The following PPP2R2C variants were observed in gnomAD, a reference collection of about 807,000 sequenced individuals.
PPP2R2C encodes the protein protein phosphatase 2 regulatory subunit Bgamma, also known as protein phosphatase 2, regulatory subunit B, gamma.
In PPP2R2C, 10 loss-of-function variants were observed where a neutral mutation model predicts 45.3. The ratio of observed to expected loss-of-function variants is 0.22; its 90% confidence interval spans 0.14 to 0.37. The LOEUF (loss-of-function observed/expected upper bound fraction) is 0.37, where lower values mean the gene tolerates loss of function less well. Among genes scored for constraint, PPP2R2C ranks in the 10% least tolerant of loss-of-function variants. The probability of loss-of-function intolerance (pLI) is 1.00; values close to 1 mark genes in which losing one functional copy is unlikely to be tolerated. For missense variants in PPP2R2C, 308 were observed against 619.7 expected, an observed-to-expected ratio of 0.50 and a Z score of 5.34; for synonymous variants, 257 against 245.4, an observed-to-expected ratio of 1.05 and a Z score of -0.44.
chr4:6,338,823 C>T (rs1018630736), intron 6 of PPP2R2C, among the ~76,000 whole-genome samples: 5 of 152,138 alleles, frequency 3.3e-5, no homozygotes, highest in Non-Finnish European at 7.3e-5. Flanking sequence ...GCCCCTGCCC[C>T]GCCATGTGCT....
At chr4:6,466,065 C>G (rs73207850) in intron 1 of PPP2R2C, among the ~76,000 whole-genome samples, 13,651 of 152,300 alleles carry the variant, frequency 0.09, 817 homozygotes, top group Non-Finnish European at 0.13. Context: ...GAAGTCACTG[C>G]ATGAGAACAT....
At chr4:6,466,650 C>A (rs574916088) in intron 1 of PPP2R2C, among the ~76,000 whole-genome samples, 3 of 152,138 alleles carry the variant, frequency 2.0e-5, no homozygotes, top group Non-Finnish European at 4.4e-5. Flanking sequence ...CTCCATGGAG[C>A]CTAGCGCTTC....
In PPP2R2C at chr4:6,413,170, C is replaced by T. The variant is rs1208425405; in HGVS notation, c.71-32076G>A. Among the ~76,000 whole-genome samples the T allele has an allele frequency of 6.6e-5, 10 of 152,206 alleles. No individual in the cohort carries two copies. The South Asian group carries it at 1.7e-3, about 25-fold the overall frequency. ...GAACATGTACAGTCATGAAATCACACGCTCTCACACTCACATTCACACACA... is the reference window on the plus strand; with the variant it reads ...GAACATGTACAGTCATGAAATCACATGCTCTCACACTCACATTCACACACA... On this transcript the variant is annotated intron_variant, in intron 1 of 8. Coordinates refer to ENST00000382599, the MANE Select transcript of PPP2R2C (RefSeq NM_020416.4).
At chr4:6,559,395 GCACACACACACACACA>G (rs58400617) in intron 1 of PPP2R2C, among the ~76,000 whole-genome samples, 20 of 144,766 alleles carry the variant, frequency 1.4e-4, no homozygotes, top group Admixed American at 4.8e-4. Flanking sequence ...AAAATACACA[GCACACACACACACACA>G]CACACACACA....
At chr4:6,556,952 C>G (rs1725422423) in intron 1 of PPP2R2C, among the ~76,000 whole-genome samples, 1 of 152,156 alleles carries the variant, frequency 6.6e-6, no homozygotes, top group African/African-American at 2.4e-5. Context: ...TGGGCAAAAC[C>G]CACCCAAAGA....
chr4:6,420,706 C>CA (rs969666341), intron 1 of PPP2R2C, among the ~76,000 whole-genome samples: 1 of 152,118 alleles, frequency 6.6e-6, no homozygotes, highest in African/African-American at 2.4e-5. Flanking sequence ...TCTCACAGAG[C>CA]AAAAATGGAA....
chr4:6,405,636 G>A lies in PPP2R2C; in HGVS notation c.71-24542C>T, dbSNP rs149322352. ...GGTTCCTGGGGAGTGATTAGATGGA[G>A]GGAGGGGCTGGGCCTGCTCCCAGGC... On this transcript the variant is annotated intron_variant, in intron 1 of 8. Transcript: ENST00000382599. Among the ~76,000 whole-genome samples the A allele has an allele frequency of 3.3e-5, 5 of 152,314 alleles. No homozygotes were observed. In the East Asian group the frequency reaches 9.6e-4, roughly 29 times the overall value.
At chr4:6,483,167 T>C (rs1722422672) in intron 2 of PPP2R2C, among the ~76,000 whole-genome samples, 1 of 146,854 alleles carries the variant, frequency 6.8e-6, no homozygotes, top group Non-Finnish European at 1.5e-5. Context: ...AGATAGACGA[T>C]AGATAGAGCC....
intron 1 of PPP2R2C, among the ~76,000 whole-genome samples, chr4:6,443,374 C>A (rs1486421232): frequency 6.6e-6 from 1 of 152,228 alleles, no homozygotes; most frequent in Non-Finnish European, 1.5e-5. Context: ...ACACAGGGTG[C>A]GCTCCAGAGG....
chr4:6,447,924 C>A (rs1010061878), intron 1 of PPP2R2C, among the ~76,000 whole-genome samples: 12 of 152,162 alleles, frequency 7.9e-5, no homozygotes, highest in African/African-American at 2.9e-4. Flanking sequence ...GCCTAATCAC[C>A]CTAAATGTGA....
chr4:6,373,893 GTGCA>G (rs1217078090), intron 4 of PPP2R2C, among the ~76,000 whole-genome samples: 1 of 138,728 alleles, frequency 7.2e-6, no homozygotes, highest in African/African-American at 2.9e-5. Flanking sequence ...ATACGTGTAT[GTGCA>G]TGCATGTGTG....
intron 1 of PPP2R2C, among the ~76,000 whole-genome samples, chr4:6,410,585 G>A (rs1477357374): frequency 6.6e-6 from 1 of 152,154 alleles, no homozygotes; most frequent in East Asian, 1.9e-4. Context: ...AGGTGCAGCA[G>A]AAATGTGTCT....
At chr4:6,391,051 G>A (rs1185043972) in intron 1 of PPP2R2C, among the ~76,000 whole-genome samples, 1 of 152,164 alleles carries the variant, frequency 6.6e-6, no homozygotes, top group Non-Finnish European at 1.5e-5. Flanking sequence ...CTTGGCTGGA[G>A]GAAAATGTGA....
rs145706536 is a variant in PPP2R2C, at chr4:6,416,624, C to T, written c.71-35530G>A. The stretch of plus-strand genomic sequence containing the variant: ...TGCAGGCTCCTCTTGTCCCTGCTCC[C>T]CTCCCCCATCCTCTGCTGCAGCCAC... On this transcript the variant is annotated intron_variant, in intron 1 of 8. Coordinates refer to ENST00000382599, the MANE Select transcript of PPP2R2C (RefSeq NM_020416.4). Among the ~76,000 whole-genome samples, 329 of 152,340 alleles carry T rather than the reference C, an allele frequency of 2.2e-3. 1 individual carries two copies. Among genetic ancestry groups the T allele is most frequent in the African/African-American group, 6.5e-3 (271 of 41,576 alleles).
At chr4:6,512,220 GTT>G (rs1394024346) in intron 2 of PPP2R2C, among the ~76,000 whole-genome samples, 1 of 69,444 alleles carries the variant, frequency 1.4e-5, no homozygotes. Context: ...TGATGGTGGT[GTT>G]GGTGGTGGTG....
intron 2 of PPP2R2C, among the ~76,000 whole-genome samples, chr4:6,528,610 C>A (rs758604707): frequency 6.6e-6 from 1 of 152,250 alleles, no homozygotes; most frequent in African/African-American, 2.4e-5. Flanking sequence ...TCCTTACTGT[C>A]AGGCCTCTGA....
chr4:6,434,221 A>G (rs370068861), intron 1 of PPP2R2C, among the ~76,000 whole-genome samples: 3 of 152,174 alleles, frequency 2.0e-5, no homozygotes, highest in South Asian at 4.1e-4. Flanking sequence ...GCTATCCACT[A>G]TCACGCTCTG....
At chr4:6,396,724 G>A (rs1342534075) in intron 1 of PPP2R2C, among the ~76,000 whole-genome samples, 1 of 152,262 alleles carries the variant, frequency 6.6e-6, no homozygotes, top group South Asian at 2.1e-4. Flanking sequence ...GCTCCAGGAG[G>A]CAGAGCCAGG....
At chr4:6,337,784 G>A (rs773167259) in intron 6 of PPP2R2C, among the ~76,000 whole-genome samples, 18 of 149,608 alleles carry the variant, frequency 1.2e-4, no homozygotes, top group Non-Finnish European at 1.6e-4. Context: ...GCCAAACGGC[G>A]CTGGCCCTTG....
Sources: allele counts gnomAD v4.1 joint callset (sites outside exome capture counted in the v4.1 genomes callset), GRCh38; gene constraint gnomAD v4.1.1; transcripts MANE v1.5; gene names NCBI Gene and HGNC (gene_info 2026-07-23, HGNC 2026-07-21).